The following TFB2M variants were observed in gnomAD, a reference collection of about 807,000 sequenced individuals.
The protein encoded by TFB2M is dimethyladenosine transferase 2, mitochondrial.
In TFB2M, 44 loss-of-function variants were observed where a neutral mutation model predicts 41.3. That is an observed-to-expected ratio of 1.07 (90% CI 0.84 to 1.37). The LOEUF (loss-of-function observed/expected upper bound fraction) is 1.37. Ranked by LOEUF, TFB2M falls within the 40% of genes most tolerant of loss-of-function variation. The pLI is 0.00. For missense variants in TFB2M, 496 were observed against 490.2 expected (o/e 1.01, Z -0.11); for synonymous variants, 188 against 176.8 (o/e 1.06, Z -0.50).
intron 7 of TFB2M, among the ~76,000 whole-genome samples, chr1:246,542,898 C>CTTT (rs35984926): frequency 8.9e-6 from 1 of 112,120 alleles, no homozygotes; most frequent in Non-Finnish European, 1.7e-5. Context: ...TCTATTACCA[C>CTTT]TTTTTTTTTT....
chr1:246,546,172 C>T (rs962494376), intron 6 of TFB2M, among the ~76,000 whole-genome samples: 2 of 151,800 alleles, frequency 1.3e-5, no homozygotes, highest in African/African-American at 2.4e-5. Flanking sequence ...ACTAGCTGGG[C>T]GTGGGATGCA....
At chr1:246,557,275 AAAAC>A in intron 3 of TFB2M, 102 bp downstream of exon 3, 5 of 1,353,856 alleles carry the variant, frequency 3.7e-6, no homozygotes, top group Non-Finnish European at 4.1e-6. Flanking sequence ...TCCATCTCAG[AAAAC>A]AAACAAATAA....
intron 3 of TFB2M, 87 bp from the exon 4 acceptor site, chr1:246,556,808 C>T (rs1006934598): frequency 1.9e-6 from 2 of 1,065,330 alleles, no homozygotes; most frequent in Admixed American, 3.0e-5. Flanking sequence ...ACTAAGTTAA[C>T]AAACTATATT....
chr1:246,558,923 CAAA>C (rs11346976), intron 2 of TFB2M, among the ~76,000 whole-genome samples: 1 of 151,318 alleles, frequency 6.6e-6, no homozygotes, highest in African/African-American at 2.4e-5. Flanking sequence ...TTCGAAGTTA[CAAA>C]AAAAAAAATC....
chr1:246,542,834 T>A (rs1213990176), intron 7 of TFB2M, among the ~76,000 whole-genome samples: 1 of 151,968 alleles, frequency 6.6e-6, no homozygotes, highest in Non-Finnish European at 1.5e-5. Context: ...AGCCACAAGG[T>A]GGCAAGATGA....
chr1:246,555,203 T>G (rs892245909), intron 4 of TFB2M, among the ~76,000 whole-genome samples: 4 of 152,160 alleles, frequency 2.6e-5, no homozygotes, highest in Non-Finnish European at 5.9e-5. Flanking sequence ...TCAGTAATGC[T>G]GTGGAGAAAT....
chr1:246,550,426 T>C (rs1233318622), intron 5 of TFB2M, among the ~76,000 whole-genome samples: 6 of 151,892 alleles, frequency 4.0e-5, no homozygotes, highest in Non-Finnish European at 8.8e-5. Flanking sequence ...TCAAATGTTT[T>C]TGAGGGGAAA....
intron 2 of TFB2M, among the ~76,000 whole-genome samples, chr1:246,561,281 GA>G (rs1572092371): frequency 6.6e-6 from 1 of 152,002 alleles, no homozygotes; most frequent in Non-Finnish European, 1.5e-5. Context: ...CCTTAATAGA[GA>G]AAAAACTAGT....
intron 1 of TFB2M, 65 bp downstream of exon 1, chr1:246,565,761 G>T (rs1274327462): frequency 6.6e-7 from 1 of 1,518,170 alleles, no homozygotes; most frequent in South Asian, 1.2e-5. Context: ...ATAGCACCCC[G>T]AGGAGGGTCA....
At chr1:246,555,945 C>T (rs1317347258) in intron 4 of TFB2M, among the ~76,000 whole-genome samples, 1 of 152,066 alleles carries the variant, frequency 6.6e-6, no homozygotes, top group Non-Finnish European at 1.5e-5. Context: ...CATGCACCAC[C>T]ACGCCTGGCT....
intron 6 of TFB2M, among the ~76,000 whole-genome samples, chr1:246,547,025 C>T (rs1039378127): frequency 2.1e-5 from 3 of 139,910 alleles, no homozygotes; most frequent in African/African-American, 5.5e-5. Context: ...ACTCTGTTAT[C>T]CAGGCTGGAG....
At chr1:246,545,812 G>GAAAAA (rs869274564) in intron 6 of TFB2M, among the ~76,000 whole-genome samples, 4 of 52,694 alleles carry the variant, frequency 7.6e-5, no homozygotes, top group Non-Finnish European at 1.1e-4. Flanking sequence ...ACCCTGATTC[G>GAAAAA]AAAAAAAAAA....
At chr1:246,547,874 C>T (rs576442887) in intron 6 of TFB2M, among the ~76,000 whole-genome samples, 3 of 151,904 alleles carry the variant, frequency 2.0e-5, no homozygotes, top group Non-Finnish European at 4.4e-5. Flanking sequence ...AAATAAAGGC[C>T]TAACTCCTGG....
chr1:246,545,523 A>C (rs1658995958), intron 6 of TFB2M, among the ~76,000 whole-genome samples: 1 of 151,994 alleles, frequency 6.6e-6, no homozygotes, highest in African/African-American at 2.4e-5. Flanking sequence ...TTAAAAAAAC[A>C]AAAGGGCAGG....
chr1:246,551,052 G>A (rs765780703), intron 5 of TFB2M, among the ~76,000 whole-genome samples, 161 bp downstream of exon 5: 1 of 152,176 alleles, frequency 6.6e-6, no homozygotes, highest in Non-Finnish European at 1.5e-5. Flanking sequence ...GCGCCTGGCT[G>A]TAGTCCCAGC....
chr1:246,564,438 G>A lies in TFB2M; in HGVS notation c.314-4C>T. 1 of 1,613,280 alleles carries A rather than the reference G, an allele frequency of 6.2e-7. No homozygotes were observed. Among genetic ancestry groups the A allele is most frequent in the Non-Finnish European group, 8.5e-7 (1 of 1,179,444 alleles). ...GCCTGAGTCAGGATTCCAGGACCTGGCACATTAACAGAACGAAAAGTTTAT... is the reference window on the plus strand; with the variant it reads ...GCCTGAGTCAGGATTCCAGGACCTGACACATTAACAGAACGAAAAGTTTAT... On this transcript the variant is annotated splice_polypyrimidine_tract_variant and splice_region_variant and intron_variant, in intron 1 of 7. Transcript: ENST00000366514.
In TFB2M at chr1:246,557,266, C is replaced by T. The variant is rs938223684; in HGVS notation, c.556+115G>A. 3 of 1,198,864 alleles carry T rather than the reference C, an allele frequency of 2.5e-6. No homozygotes were observed. The Admixed American group carries it at 7.0e-5, about 28-fold the overall frequency. 74.3% of individuals were successfully genotyped at this position (1,198,864 alleles called of 1,614,324 possible). A position where few individuals can be genotyped will look rare whatever the true frequency, so the allele number is the denominator to read the frequency against. ...CCAGCCTGGGTGACAGAGTGAGACT[C>T]CATCTCAGAAAACAAACAAATAAAT... On this transcript the variant is annotated intron_variant, in intron 3 of 7. Coordinates refer to ENST00000366514, the MANE Select transcript of TFB2M (RefSeq NM_022366.3).
intron 2 of TFB2M, 63 bp from the exon 3 acceptor site, chr1:246,557,597 CA>C: frequency 7.7e-7 from 1 of 1,300,860 alleles, no homozygotes; most frequent in South Asian, 1.6e-5. Context: ...TGCAGCAATT[CA>C]AAAAACTCTA....
chr1:246,551,209 T>A lies in TFB2M; in HGVS notation c.795+4A>T. 6.2e-7 allele frequency: 1 copy of A among 1,610,986 alleles called. No homozygotes were observed. Among genetic ancestry groups the A allele is most frequent in the Non-Finnish European group, 8.5e-7 (1 of 1,177,398 alleles). ...ACGTTTTTAAACAGAAGGATTTTAC[T>A]CACCATGTGCAGAACCTTAATCTCA... On this transcript the variant is annotated splice_donor_region_variant and intron_variant, in intron 5 of 7. Coordinates refer to ENST00000366514, the MANE Select transcript of TFB2M (RefSeq NM_022366.3).
Sources: gnomAD v4.1 joint callset for allele counts (sites outside exome capture counted in the v4.1 genomes callset) on GRCh38, gnomAD v4.1.1 for gene constraint, MANE v1.5 for transcripts, NCBI Gene and HGNC (gene_info 2026-07-23, HGNC 2026-07-21) for gene names.